The following HEMK2 variants were observed in gnomAD, a reference collection of about 807,000 sequenced individuals.
HEMK2 encodes the protein HemK methyltransferase 2, ETF1 glutamine and histone H4 lysine, also known as methyltransferase HEMK2.
chr21:28,583,320 G>A, the HEMK2 span, among the ~76,000 whole-genome samples: 1 of 152,154 alleles, frequency 6.6e-6, no homozygotes, highest in Non-Finnish European at 1.5e-5. Flanking sequence ...AATAGATGGT[G>A]TCTTAATTTA....
At chr21:28,695,708 GC>G in the HEMK2 span, among the ~76,000 whole-genome samples, 1 of 151,110 alleles carries the variant, frequency 6.6e-6, no homozygotes, top group African/African-American at 2.4e-5. Context: ...ATATCATTCT[GC>G]CCCCGCCCCC....
At chr21:28,882,013 A>G in the HEMK2 span, 1 of 478,458 alleles carries the variant, frequency 2.1e-6, no homozygotes, top group South Asian at 2.5e-5. Context: ...ATTGTGGAAA[A>G]GGTGGATTAC....
chr21:28,630,801 G>T, the HEMK2 span, among the ~76,000 whole-genome samples: 1 of 100,420 alleles, frequency 1.0e-5, no homozygotes, highest in Non-Finnish European at 1.9e-5. Context: ...AGGGGGGAGG[G>T]ATAGCATTAG....
chr21:28,741,560 C>G, the HEMK2 span, among the ~76,000 whole-genome samples: 2 of 152,102 alleles, frequency 1.3e-5, no homozygotes, highest in Non-Finnish European at 2.9e-5. Context: ...CACCCACAAC[C>G]CTCCACTAGG....
the HEMK2 span, among the ~76,000 whole-genome samples, chr21:28,754,361 C>T: frequency 2.6e-5 from 4 of 152,212 alleles, no homozygotes; most frequent in Non-Finnish European, 5.9e-5. Context: ...GAGCCTACCT[C>T]GTGCCTTGTA....
the HEMK2 span, among the ~76,000 whole-genome samples, chr21:28,877,754 T>C: frequency 6.6e-6 from 1 of 152,230 alleles, no homozygotes; most frequent in African/African-American, 2.4e-5. Flanking sequence ...GGAAAGATTA[T>C]GGTCAATTTA....
At chr21:28,705,865 C>T in the HEMK2 span, among the ~76,000 whole-genome samples, 1 of 152,148 alleles carries the variant, frequency 6.6e-6, no homozygotes, top group Admixed American at 6.6e-5. Context: ...AACAAAAATG[C>T]AGAGAAATGC....
the HEMK2 span, among the ~76,000 whole-genome samples, chr21:28,814,012 C>A: frequency 3.3e-5 from 5 of 152,020 alleles, no homozygotes; most frequent in African/African-American, 1.2e-4. Context: ...CTGAGGTGAG[C>A]GGATCACGAG....
At chr21:28,853,982 T>C in the HEMK2 span, among the ~76,000 whole-genome samples, 1 of 152,178 alleles carries the variant, frequency 6.6e-6, no homozygotes, top group Non-Finnish European at 1.5e-5. Flanking sequence ...AGCTTGTGTC[T>C]GTTTTTCCAC....
the HEMK2 span, among the ~76,000 whole-genome samples, chr21:28,681,686 C>A: frequency 6.6e-6 from 1 of 152,128 alleles, no homozygotes; most frequent in Non-Finnish European, 1.5e-5. Flanking sequence ...CAGCATGGTA[C>A]TGGTACCAAA....
the HEMK2 span, among the ~76,000 whole-genome samples, chr21:28,775,135 A>ACCC: frequency 1.3e-5 from 2 of 152,212 alleles, no homozygotes; most frequent in Non-Finnish European, 2.9e-5. Flanking sequence ...ATTAGAGATA[A>ACCC]TCTTATGCCA....
the HEMK2 span, among the ~76,000 whole-genome samples, chr21:28,821,542 A>G: frequency 6.6e-6 from 1 of 152,162 alleles, no homozygotes; most frequent in Admixed American, 6.6e-5. Flanking sequence ...AACTCATACC[A>G]CTTTTCCACC....
the HEMK2 span, among the ~76,000 whole-genome samples, chr21:28,651,605 C>G: frequency 6.6e-6 from 1 of 152,142 alleles, no homozygotes; most frequent in Non-Finnish European, 1.5e-5. Context: ...TCATTTTTGT[C>G]TCCTCTGTAT....
the HEMK2 span, among the ~76,000 whole-genome samples, chr21:28,804,560 C>T: frequency 6.6e-6 from 1 of 152,166 alleles, no homozygotes; most frequent in South Asian, 2.1e-4. Context: ...CATAGGGAGA[C>T]CCCATCTCTA....
At chr21:28,646,892 T>A in the HEMK2 span, among the ~76,000 whole-genome samples, 3 of 152,010 alleles carry the variant, frequency 2.0e-5, no homozygotes, top group Non-Finnish European at 2.9e-5. Flanking sequence ...TCCCAGAACA[T>A]CCCTTCTGAT....
At chr21:28,603,377 G>C in the HEMK2 span, among the ~76,000 whole-genome samples, 468 of 152,152 alleles carry the variant, frequency 3.1e-3, 3 homozygotes, top group African/African-American at 0.011. Context: ...GAATTCATAG[G>C]CAATCCCTTA....
the HEMK2 span, among the ~76,000 whole-genome samples, chr21:28,780,907 GACATC>G: frequency 6.6e-6 from 1 of 152,074 alleles, no homozygotes; most frequent in Non-Finnish European, 1.5e-5. Context: ...ACTGCTCAGG[GACATC>G]ACTCATTTAT....
At chr21:28,885,252 G>A in the HEMK2 span, 10 of 1,592,616 alleles carry the variant, frequency 6.3e-6, 1 homozygote, top group Non-Finnish European at 7.7e-6. Context: ...GCGTCCAAAA[G>A]CAGAAACGTG....
chr21:28,609,864 A>G, the HEMK2 span, among the ~76,000 whole-genome samples: 2,230 of 152,254 alleles, frequency 0.015, 60 homozygotes, highest in African/African-American at 0.051. Flanking sequence ...GACAAAGACA[A>G]AAAATTTTTT....
Sources: allele counts gnomAD v4.1 joint callset (sites outside exome capture counted in the v4.1 genomes callset), GRCh38; gene constraint gnomAD v4.1.1; transcripts MANE v1.5; gene names NCBI Gene and HGNC (gene_info 2026-07-23, HGNC 2026-07-21).